PCDH15: variants seen among roughly 807,000 people sequenced by gnomAD.
The protein encoded by PCDH15 is protocadherin-15.
A neutral mutation model predicts 178.5 loss-of-function variants in PCDH15; 129 were observed. The observed-to-expected ratio is 0.72, with a 90% confidence interval of 0.63 to 0.84. The LOEUF is 0.84. PCDH15 is among the 40% of genes least tolerant of loss of function. PCDH15 has a pLI of 0.00. For missense variants in PCDH15, 2,230 were observed against 2,099.9 expected (o/e 1.06, Z -1.21); for synonymous variants, 800 against 732.0 (o/e 1.09, Z -1.50).
At chr10:55,388,074 T>A (rs1410303553) in intron 2 of PCDH15, among the ~76,000 whole-genome samples, 3 of 152,028 alleles carry the variant, frequency 2.0e-5, no homozygotes, top group Non-Finnish European at 1.5e-5. Context: ...CCCGTCAAAA[T>A]CAGAAAAATA....
At chr10:55,198,557 G>T (rs1840156797) in intron 1 of PCDH15, among the ~76,000 whole-genome samples, 2 of 152,036 alleles carry the variant, frequency 1.3e-5, no homozygotes, top group African/African-American at 4.8e-5. Context: ...CGCGATAACA[G>T]CTCACTGCAA....
rs920373754 is a variant in PCDH15, at chr10:54,886,081, T to C, written c.-29+11369A>G. ...AATAAGAAGCTATTTTCAGAATAAA[T>C]AATTCAATGACTTACATTCTTTAGC... On this transcript the variant is annotated intron_variant, in intron 3 of 5. Transcript: ENST00000458638. Among the ~76,000 whole-genome samples the C allele has an allele frequency of 1.5e-4, 23 of 151,596 alleles. 1 individual carries two copies. Among genetic ancestry groups the C allele is most frequent in the African/African-American group, 5.1e-4 (21 of 40,918 alleles).
At chr10:54,137,030 C>T (rs749362630) in intron 14 of PCDH15, among the ~76,000 whole-genome samples, 2 of 152,110 alleles carry the variant, frequency 1.3e-5, no homozygotes, top group Non-Finnish European at 2.9e-5. Flanking sequence ...TCCTTTTTAT[C>T]CCTGATGTCA....
chr10:54,081,905 C>T (rs369760524), intron 16 of PCDH15, among the ~76,000 whole-genome samples: 69 of 152,190 alleles, frequency 4.5e-4, no homozygotes, highest in African/African-American at 1.6e-3. Flanking sequence ...TAAGCAGGGA[C>T]CTTCAACAGC....
At chr10:55,625,348 C>G (rs1837503759) in intron 2 of PCDH15, among the ~76,000 whole-genome samples, 1 of 152,036 alleles carries the variant, frequency 6.6e-6, no homozygotes, top group African/African-American at 2.4e-5. Context: ...AAGATAAATA[C>G]TAGGGAAAGT....
intron 8 of PCDH15, among the ~76,000 whole-genome samples, chr10:54,270,950 G>A (rs1323104759): frequency 6.6e-6 from 1 of 151,924 alleles, no homozygotes; most frequent in African/African-American, 2.4e-5. Flanking sequence ...AAATGAAGGA[G>A]AATAAGAAGT....
chr10:55,543,911 G>C (rs1456872992), intron 2 of PCDH15, among the ~76,000 whole-genome samples: 1 of 150,470 alleles, frequency 6.6e-6, no homozygotes, highest in Non-Finnish European at 1.5e-5. Flanking sequence ...TCCTCAATAT[G>C]AACTATTTGC....
At chr10:53,833,582 A>C (rs1303321094) in intron 29 of PCDH15, among the ~76,000 whole-genome samples, 1 of 152,006 alleles carries the variant, frequency 6.6e-6, no homozygotes, top group Non-Finnish European at 1.5e-5. Context: ...CTTTATGAGT[A>C]AGATATTTTT....
intron 37 of PCDH15, 91 bp from the exon 38 acceptor site, chr10:53,807,221 T>G: frequency 9.3e-7 from 1 of 1,076,958 alleles, no homozygotes; most frequent in Non-Finnish European, 1.3e-6. Context: ...ACAATGACAT[T>G]TAGAAAGCTG....
intron 2 of PCDH15, among the ~76,000 whole-genome samples, chr10:54,613,104 T>C (rs945589943): frequency 1.8e-4 from 27 of 151,816 alleles, no homozygotes; most frequent in African/African-American, 6.3e-4. Flanking sequence ...ATATTTATAT[T>C]TTACAATGCC....
At chr10:55,495,495 A>C (rs1840511839) in intron 2 of PCDH15, among the ~76,000 whole-genome samples, 1 of 151,806 alleles carries the variant, frequency 6.6e-6, no homozygotes, top group African/African-American at 2.4e-5. Context: ...AATGGCCAAA[A>C]GCAGAGCAAA....
intron 1 of PCDH15, among the ~76,000 whole-genome samples, chr10:54,687,513 T>C (rs1163218508): frequency 6.6e-6 from 1 of 152,162 alleles, no homozygotes; most frequent in Non-Finnish European, 1.5e-5. Flanking sequence ...TGGACTCTTT[T>C]GAATCTTATG....
intron 1 of PCDH15, among the ~76,000 whole-genome samples, chr10:55,315,122 C>T (rs775433174): frequency 1.3e-5 from 2 of 152,028 alleles, no homozygotes; most frequent in Non-Finnish European, 2.9e-5. Context: ...TGTGAACATA[C>T]TTATTTGTCA....
At chr10:54,889,037 T>C (rs1345053735) in intron 3 of PCDH15, among the ~76,000 whole-genome samples, 2 of 151,888 alleles carry the variant, frequency 1.3e-5, no homozygotes, top group Admixed American at 6.6e-5. Context: ...GCCATATATA[T>C]GAGCATAACA....
intron 37 of PCDH15, among the ~76,000 whole-genome samples, chr10:53,807,657 T>TACTTG (rs1192214022): frequency 6.6e-6 from 1 of 151,122 alleles, no homozygotes; most frequent in Non-Finnish European, 1.5e-5. Context: ...AGCATTTATT[T>TACTTG]ACTTGACTTT....
chr10:54,289,613 A>C (rs1311539446), intron 8 of PCDH15, among the ~76,000 whole-genome samples: 1 of 152,220 alleles, frequency 6.6e-6, no homozygotes, highest in African/African-American at 2.4e-5. Flanking sequence ...CTAAAGGAGC[A>C]AGTTTGAACC....
At chr10:53,942,082 T>C (rs1377717956) in intron 23 of PCDH15, among the ~76,000 whole-genome samples, 1 of 152,218 alleles carries the variant, frequency 6.6e-6, no homozygotes, top group East Asian at 1.9e-4. Flanking sequence ...CTGCTGTCCA[T>C]ACACTTAATT....
chr10:54,499,748 A>G (rs1027176828), intron 3 of PCDH15, among the ~76,000 whole-genome samples: 3 of 152,146 alleles, frequency 2.0e-5, no homozygotes, highest in African/African-American at 7.2e-5. Context: ...ACTATCTAGC[A>G]TTACACCAAG....
At chr10:55,220,563 G>A (rs1291713641) in intron 1 of PCDH15, among the ~76,000 whole-genome samples, 1 of 152,018 alleles carries the variant, frequency 6.6e-6, no homozygotes, top group Non-Finnish European at 1.5e-5. Context: ...ATGTGGTAAA[G>A]ACTATATTTC....
Sources: allele counts gnomAD v4.1 joint callset (sites outside exome capture counted in the v4.1 genomes callset), GRCh38; gene constraint gnomAD v4.1.1; transcripts MANE v1.5; gene names NCBI Gene and HGNC (gene_info 2026-07-23, HGNC 2026-07-21).